The following ILKAP variants were observed in gnomAD, a reference collection of about 807,000 sequenced individuals.
ILKAP encodes integrin-linked kinase-associated serine/threonine phosphatase 2C.
A neutral mutation model predicts 49.1 loss-of-function variants in ILKAP; 11 were observed. The ratio of observed to expected loss-of-function variants is 0.22; its 90% CI spans 0.14 to 0.37. ILKAP has a LOEUF of 0.37. Among genes scored for constraint, ILKAP ranks in the 10% least tolerant of loss-of-function variants. The pLI is 1.00. For synonymous variants in ILKAP, 186 were observed against 192.8 expected (o/e 0.96, Z 0.29); for missense variants, 363 against 510.8 (o/e 0.71, Z 2.79).
chr2:238,175,717 TCAGCCCCAC>T (rs957879781), intron 9 of ILKAP, among the ~76,000 whole-genome samples: 5 of 152,216 alleles, frequency 3.3e-5, no homozygotes, highest in African/African-American at 9.7e-5. Flanking sequence ...TGGTTGGGAC[TCAGCCCCAC>T]CAGCCCCACA....
chr2:238,182,754 CTTTG>C (rs1282301431), intron 8 of ILKAP, among the ~76,000 whole-genome samples: 1 of 152,200 alleles, frequency 6.6e-6, no homozygotes, highest in African/African-American at 2.4e-5. Flanking sequence ...TGACTCCTGT[CTTTG>C]TTTTTTTGCC....
chr2:238,196,163 C>T (rs1211817964), intron 1 of ILKAP, among the ~76,000 whole-genome samples: 3 of 129,714 alleles, frequency 2.3e-5, no homozygotes, highest in Admixed American at 1.9e-4. Flanking sequence ...ATGTGATCTT[C>T]GCTCACTGCC....
rs1220542877 is a variant in ILKAP, at chr2:238,170,974, T to A, written c.1007A>T (p.Glu336Val). 6.2e-7 allele frequency: 1 copy of A among 1,613,900 alleles called. No homozygotes were observed. The highest frequency in any genetic ancestry group is 8.5e-7 in the Non-Finnish European group (1 of 1,180,008). ...DGLFKVFTPE[E>V]AVNFILSCLE... ...ACAGGACAAGATGAAGTTCACGGCT[T>A]CTTCTGGGGTAAAGACCTTGAAGAG... The change falls in exon 11 of 12, where the codon GAA (glutamate) becomes GTA (valine). Residue 336 changes from glutamate to valine, a missense_variant. This residue lies in a region of ILKAP where 83 missense variants were observed against 87.5 expected (regional missense o/e 0.95). Coordinates refer to ENST00000254654, the MANE Select transcript of ILKAP (RefSeq NM_030768.3).
At chr2:238,183,618 T>C (rs940329551) in intron 8 of ILKAP, 35 bp downstream of exon 8, 6 of 1,431,270 alleles carry the variant, frequency 4.2e-6, no homozygotes, top group African/African-American at 1.4e-5. Context: ...ATAAAACGTA[T>C]TGTCATCTAA....
Position 238,170,946 on chromosome 2 carries a change from G to T in ILKAP, c.1035C>A (p.Leu345=), listed in dbSNP as rs372551657. The T allele has an allele frequency of 1.2e-6, 2 of 1,613,502 alleles. No homozygotes were observed. Among genetic ancestry groups the T allele is most frequent in the Admixed American group, 3.3e-5 (2 of 59,996 alleles). Residue 345 remains leucine, a synonymous_variant, in exon 11 of 12, where the codon CTC becomes CTA. Coordinates refer to ENST00000254654, the MANE Select transcript of ILKAP (RefSeq NM_030768.3). ...EEAVNFILSC[L]EDEKIQTREG... ...ACCCCCGTGTGAGATTTCTCACCTC[G>T]AGACAGGACAAGATGAAGTTCACGG...
At chr2:238,175,253 T>C (rs900855977) in intron 9 of ILKAP, among the ~76,000 whole-genome samples, 5 of 151,700 alleles carry the variant, frequency 3.3e-5, no homozygotes, top group Non-Finnish European at 5.9e-5. Flanking sequence ...TGTCACCAAG[T>C]CCAGGTAAAT....
Position 238,170,948 on chromosome 2 carries a change from G to A in ILKAP, c.1033C>T (p.Leu345Phe), listed in dbSNP as rs141030072. 6.2e-7 allele frequency: 1 copy of A among 1,613,632 alleles called. No homozygotes were observed. The highest frequency in any genetic ancestry group is 1.7e-5 in the Admixed American group (1 of 60,018). ...CCCCGTGTGAGATTTCTCACCTCGA[G>A]ACAGGACAAGATGAAGTTCACGGCT... ...EEAVNFILSC[L>F]EDEKIQTREG... Residue 345 changes from leucine to phenylalanine, a missense_variant, in exon 11 of 12, where the codon CTC becomes TTC. Around this residue, in one of 3 missense-constraint regions of ILKAP, gnomAD observed 83 missense variants for 87.5 expected, o/e 0.95. Coordinates refer to ENST00000254654, the MANE Select transcript of ILKAP (RefSeq NM_030768.3).
In ILKAP at chr2:238,203,643, G is replaced by C. The variant is rs1003077047; in HGVS notation, c.-90C>G. 1 of 816,416 alleles carries C rather than the reference G, an allele frequency of 1.2e-6. No individual in the cohort carries two copies. Among genetic ancestry groups the C allele is most frequent in the Non-Finnish European group, 1.6e-6 (1 of 640,386 alleles). The allele number at this position is 816,416 out of a possible 1,614,324, so 50.6% of individuals were successfully genotyped here. A position where few individuals can be genotyped will look rare whatever the true frequency, so the allele number is the denominator to read the frequency against. ...CACACCCCGGGCGGGCGGCAGCAGC[G>C]GGCGGGCGACGGGCAGGGGCGGCCG... On this transcript the variant is annotated 5_prime_UTR_variant, in exon 1 of 12. Transcript: ENST00000254654.
intron 3 of ILKAP, among the ~76,000 whole-genome samples, chr2:238,193,417 C>T (rs529431354): frequency 9.7e-4 from 147 of 152,328 alleles, no homozygotes; most frequent in African/African-American, 3.4e-3. Flanking sequence ...GACAGGGTTT[C>T]GCCATGTTGG....
At chr2:238,187,317 T>C (rs1693947450) in intron 5 of ILKAP, among the ~76,000 whole-genome samples, 1 of 152,178 alleles carries the variant, frequency 6.6e-6, no homozygotes, top group Non-Finnish European at 1.5e-5. Flanking sequence ...TCACCTCATC[T>C]CCATGAGCAG....
intron 5 of ILKAP, chr2:238,185,825 C>G (rs543471688): frequency 1.2e-4 from 18 of 152,546 alleles, no homozygotes; most frequent in African/African-American, 3.9e-4. Flanking sequence ...AACAAAAACA[C>G]TGTGTGTGTG....
Position 238,184,163 on chromosome 2 carries a change from T to C in ILKAP, c.533-50A>G, listed in dbSNP as rs765797880. The stretch of plus-strand genomic sequence containing the variant: ...ACAATCTCTCAAGGAGGGAAGATTA[T>C]CCTCCTCCCACTGTCATTTTGGTTT... On this transcript the variant is annotated intron_variant, in intron 6 of 11. Transcript: ENST00000254654. 6 of 985,176 alleles carry C rather than the reference T, an allele frequency of 6.1e-6. No homozygotes were observed. In the East Asian group the frequency reaches 1.4e-4, roughly 23 times the overall value. 61.0% of individuals were successfully genotyped at this position (985,176 alleles called of 1,614,324 possible).
Position 238,190,877 on chromosome 2 carries a change from T to TTAA in ILKAP, c.179-906_179-905insTTA, listed in dbSNP as rs1252463558. On this transcript the variant is annotated intron_variant, in intron 3 of 11. Coordinates refer to ENST00000254654, the MANE Select transcript of ILKAP (RefSeq NM_030768.3). ...GGCAAAGTAGTAAGACGTTTCTCTT[T>TTAA]AAAAAAAAAAAAAAAAAAAAAAAAA... Among the ~76,000 whole-genome samples, 11 of 95,130 alleles carry TTAA rather than the reference T, an allele frequency of 1.2e-4. 1 individual carries two copies. The highest frequency in any genetic ancestry group is 4.2e-4 in the East Asian group (1 of 2,376). 62.4% of individuals were successfully genotyped at this position (95,130 alleles called of 152,430 possible). A position where few individuals can be genotyped will look rare whatever the true frequency, so the allele number is the denominator to read the frequency against.
intron 10 of ILKAP, among the ~76,000 whole-genome samples, chr2:238,171,867 C>G (rs569277834): frequency 4.6e-5 from 7 of 152,110 alleles, no homozygotes; most frequent in Non-Finnish European, 1.0e-4. Flanking sequence ...CAGAATCAAA[C>G]CCCCCTAGAC....
At chr2:238,179,592 T>C (rs1349746839) in intron 9 of ILKAP, among the ~76,000 whole-genome samples, 1 of 152,134 alleles carries the variant, frequency 6.6e-6, no homozygotes, top group Non-Finnish European at 1.5e-5. Flanking sequence ...CCAGATTACC[T>C]GCTGATGACG....
At chr2:238,181,052 G>A (rs1048097720) in intron 9 of ILKAP, among the ~76,000 whole-genome samples, 9 of 152,296 alleles carry the variant, frequency 5.9e-5, no homozygotes, top group Middle Eastern at 3.4e-3. Flanking sequence ...TGCAGCGACC[G>A]TGAATGAAAC....
intron 6 of ILKAP, among the ~76,000 whole-genome samples, chr2:238,184,563 T>A (rs1344756073): frequency 1.3e-5 from 2 of 151,844 alleles, no homozygotes; most frequent in African/African-American, 2.4e-5. Context: ...TTTCCTTTTT[T>A]AAATTTTTTT....
intron 10 of ILKAP, among the ~76,000 whole-genome samples, chr2:238,172,702 C>T (rs1053329970): frequency 8.5e-5 from 13 of 152,242 alleles, no homozygotes; most frequent in Non-Finnish European, 1.5e-4. Context: ...AAGGCACGCG[C>T]TCTTCATCCG....
At chr2:238,177,651 TTTCC>T (rs1244038261) in intron 9 of ILKAP, among the ~76,000 whole-genome samples, 1 of 152,236 alleles carries the variant, frequency 6.6e-6, no homozygotes, top group Non-Finnish European at 1.5e-5. Context: ...TGGGTCAGAA[TTTCC>T]TTCCTTTTTG....
Sources: allele counts gnomAD v4.1 joint callset (sites outside exome capture counted in the v4.1 genomes callset), GRCh38; gene constraint gnomAD v4.1.1; regional missense constraint gnomAD v4.1.1; transcripts MANE v1.5; gene names NCBI Gene and HGNC (gene_info 2026-07-23, HGNC 2026-07-21).